PRKCB: variants seen among roughly 807,000 people sequenced by gnomAD.
PRKCB encodes protein kinase C beta, also known as protein kinase C beta type.
A neutral mutation model predicts 81.5 loss-of-function variants in PRKCB; 13 were observed. The observed-to-expected ratio is 0.16, with a 90% confidence interval of 0.10 to 0.25. The LOEUF is 0.25. PRKCB is among the 10% of genes least tolerant of loss of function. The pLI is 1.00. For synonymous variants in PRKCB, 335 were observed against 321.4 expected (o/e 1.04, Z -0.45); for missense variants, 509 against 875.7 (o/e 0.58, Z 5.29).
At chr16:23,889,405 T>G (rs1963256557) in intron 2 of PRKCB, among the ~76,000 whole-genome samples, 1 of 152,242 alleles carries the variant, frequency 6.6e-6, no homozygotes. Context: ...TAAGGTGCTT[T>G]CAGTAGTGCC....
chr16:23,974,189 T>C (rs909812707), intron 2 of PRKCB, among the ~76,000 whole-genome samples: 2 of 151,936 alleles, frequency 1.3e-5, no homozygotes, highest in African/African-American at 4.8e-5. Context: ...GGGTAAGGGA[T>C]GCAGGCACAT....
chr16:23,999,588 C>G (rs531052360), intron 3 of PRKCB, among the ~76,000 whole-genome samples: 6 of 152,330 alleles, frequency 3.9e-5, no homozygotes, highest in African/African-American at 1.2e-4. Context: ...CACCCACAGT[C>G]ATCCTTCTTG....
intron 2 of PRKCB, among the ~76,000 whole-genome samples, chr16:23,848,390 C>A (rs1280116883): frequency 1.3e-5 from 2 of 152,096 alleles, no homozygotes; most frequent in African/African-American, 4.8e-5. Context: ...AGTGGGGGTG[C>A]CTTACCGGAG....
At chr16:23,918,291 A>G (rs1208218672) in intron 2 of PRKCB, among the ~76,000 whole-genome samples, 1 of 152,202 alleles carries the variant, frequency 6.6e-6, no homozygotes, top group Non-Finnish European at 1.5e-5. Context: ...GGTGAGGTCT[A>G]CTAGAAGATA....
chr16:24,062,402 A>C (rs1225739129), intron 5 of PRKCB, among the ~76,000 whole-genome samples: 2 of 152,182 alleles, frequency 1.3e-5, no homozygotes, highest in Non-Finnish European at 2.9e-5. Flanking sequence ...CCCAATTCCC[A>C]AGCACTTTTG....
chr16:24,185,549 T>C lies in PRKCB; in HGVS notation c.1704T>C (p.Ala568=). The change falls in exon 15 of 17, where the codon GCT becomes GCC. Residue 568 remains alanine (A), a synonymous_variant. Coordinates refer to ENST00000643927, the MANE Select transcript of PRKCB (RefSeq NM_002738.7). The part of the protein sequence containing the change: ...VAYPKSMSKE[A]VAICKGLMTK... ...ATCCCAAGTCTATGTCCAAGGAAGCTGTGGCCATCTGCAAAGGGGTAAGTG... is the reference window on the plus strand; with the variant it reads ...ATCCCAAGTCTATGTCCAAGGAAGCCGTGGCCATCTGCAAAGGGGTAAGTG... 6.2e-7 allele frequency: 1 copy of C among 1,613,748 alleles called. No individual in the cohort carries two copies. Among genetic ancestry groups the C allele is most frequent in the African/African-American group, 1.3e-5 (1 of 75,048 alleles).
intron 5 of PRKCB, among the ~76,000 whole-genome samples, chr16:24,080,516 CG>C (rs1369866187): frequency 1.3e-5 from 2 of 151,792 alleles, no homozygotes; most frequent in African/African-American, 2.4e-5. Flanking sequence ...ATGGTGGTGT[CG>C]GGGGAGCAGG....
At chr16:24,203,251 C>G (rs80096224) in intron 16 of PRKCB, 1 of 139,838 alleles carries the variant, frequency 7.2e-6, no homozygotes, top group Middle Eastern at 3.3e-3. Flanking sequence ...GACCCTGTCT[C>G]AAAAAAAAAA....
chr16:23,907,498 A>G (rs1963578728), intron 2 of PRKCB, among the ~76,000 whole-genome samples: 1 of 152,224 alleles, frequency 6.6e-6, no homozygotes, highest in African/African-American at 2.4e-5. Context: ...ACTGCTGGCC[A>G]CAAGCAATCC....
At chr16:24,158,348 G>A (rs1250968772) in intron 10 of PRKCB, among the ~76,000 whole-genome samples, 1 of 152,022 alleles carries the variant, frequency 6.6e-6, no homozygotes, top group Non-Finnish European at 1.5e-5. Flanking sequence ...TGAGGCACAA[G>A]GCAAACAATT....
chr16:24,119,604 G>T (rs111702813), intron 8 of PRKCB, among the ~76,000 whole-genome samples: 1 of 152,078 alleles, frequency 6.6e-6, no homozygotes, highest in Non-Finnish European at 1.5e-5. Context: ...TGATGGGGCA[G>T]CAGGGAGGGG....
chr16:23,901,863 G>GTCTCAGAGCTGGTGCAGACA (rs1401178001), intron 2 of PRKCB, among the ~76,000 whole-genome samples: 1 of 152,176 alleles, frequency 6.6e-6, no homozygotes, highest in South Asian at 2.1e-4. Context: ...CACACTGGAA[G>GTCTCAGAGCTGGTGCAGACA]TCTCAGAGCT....
chr16:24,081,533 T>C (rs1966248768), intron 5 of PRKCB, among the ~76,000 whole-genome samples: 1 of 152,176 alleles, frequency 6.6e-6, no homozygotes, highest in Non-Finnish European at 1.5e-5. Context: ...CCCAGTCCTA[T>C]TCAACATCAT....
intron 5 of PRKCB, among the ~76,000 whole-genome samples, chr16:24,042,974 C>T (rs1965721638): frequency 6.6e-6 from 1 of 152,114 alleles, no homozygotes; most frequent in Non-Finnish European, 1.5e-5. Flanking sequence ...ATGGTTCAAG[C>T]AATCCTCCCA....
intron 5 of PRKCB, among the ~76,000 whole-genome samples, chr16:24,062,965 T>C (rs1371819494): frequency 6.6e-6 from 1 of 151,868 alleles, no homozygotes; most frequent in Admixed American, 6.6e-5. Context: ...GTAAGAGGCA[T>C]TGATTGGCAA....
chr16:24,042,524 C>A (rs1226335269), intron 5 of PRKCB, among the ~76,000 whole-genome samples: 2 of 152,162 alleles, frequency 1.3e-5, no homozygotes, highest in Admixed American at 1.3e-4. Context: ...CTGTCGTTAA[C>A]GTTTCCACAC....
chr16:24,116,284 CG>C (rs976945763), intron 8 of PRKCB, among the ~76,000 whole-genome samples: 6 of 151,912 alleles, frequency 3.9e-5, no homozygotes, highest in African/African-American at 1.4e-4. Context: ...GGGCCAGGCA[CG>C]GTGGCTCATG....
chr16:23,949,239 A>C (rs1299077070), intron 2 of PRKCB, among the ~76,000 whole-genome samples: 1 of 152,262 alleles, frequency 6.6e-6, no homozygotes, highest in Non-Finnish European at 1.5e-5. Context: ...GAACGAACGA[A>C]TGGACAAAAG....
intron 8 of PRKCB, among the ~76,000 whole-genome samples, chr16:24,123,248 T>TAGC (rs908728222): frequency 6.6e-6 from 1 of 152,088 alleles, no homozygotes; most frequent in African/African-American, 2.4e-5. Context: ...TGTACCACAG[T>TAGC]AGCAGCAGCA....
Sources: gnomAD v4.1 joint callset for allele counts (sites outside exome capture counted in the v4.1 genomes callset) on GRCh38, gnomAD v4.1.1 for gene constraint, MANE v1.5 for transcripts, NCBI Gene and HGNC (gene_info 2026-07-23, HGNC 2026-07-21) for gene names.